SASH1: variants seen among roughly 807,000 people sequenced by gnomAD.
SASH1 encodes SAM and SH3 domain-containing protein 1.
SASH1 carries 44 observed loss-of-function variants against 125.2 expected under a neutral mutation model. That is an observed-to-expected ratio of 0.35 (90% CI 0.28 to 0.45). SASH1 has a LOEUF of 0.45. SASH1 is among the 20% of genes least tolerant of loss of function. SASH1 has a pLI of 1.00. For missense variants in SASH1, 1,426 were observed against 1,614.5 expected, an observed-to-expected ratio of 0.88 and a Z score of 2.00; for synonymous variants, 639 against 649.1, an observed-to-expected ratio of 0.98 and a Z score of 0.24.
the SASH1 span, among the ~76,000 whole-genome samples, chr6:148,248,611 C>A: frequency 6.6e-6 from 1 of 152,142 alleles, no homozygotes; most frequent in African/African-American, 2.4e-5. Flanking sequence ...ACAAATTTCC[C>A]ATCAGCTTGG....
intron 1 of SASH1, among the ~76,000 whole-genome samples, chr6:148,389,070 T>A (rs887286999): frequency 6.6e-6 from 1 of 152,224 alleles, no homozygotes; most frequent in Non-Finnish European, 1.5e-5. Flanking sequence ...CTGTATGTAT[T>A]CAGGTATGTT....
rs142865161 is a variant in SASH1, at chr6:148,512,797, A to G, written c.730-1527A>G. Reference sequence around the variant, plus strand: ...TCTAGTAATTTTAGAGAAATTGGACATAGATATTAATACACTTTACAGAAG... The same window carrying G: ...TCTAGTAATTTTAGAGAAATTGGACGTAGATATTAATACACTTTACAGAAG... On this transcript the variant is annotated intron_variant, in intron 8 of 19. Transcript: ENST00000367467. 5.5e-3 allele frequency: 5,461 copies of G among 984,878 alleles called. 16 individuals carry two copies. Among genetic ancestry groups the G allele is most frequent in the Non-Finnish European group, 6.1e-3 (5,060 of 829,446 alleles). 61.0% of individuals were successfully genotyped at this position (984,878 alleles called of 1,614,324 possible).
At chr6:148,304,546 G>T (rs1422964518) in intron 1 of SASH1, among the ~76,000 whole-genome samples, 1 of 149,702 alleles carries the variant, frequency 6.7e-6, no homozygotes, top group Non-Finnish European at 1.5e-5. Flanking sequence ...GGAGGCAGAG[G>T]TTGCAGTGAG....
At chr6:148,244,064 A>G in the SASH1 span, among the ~76,000 whole-genome samples, 147,140 of 152,282 alleles carry the variant, frequency 0.97, 71,139 homozygotes, top group East Asian at 1. Flanking sequence ...GACTAGGCTG[A>G]AACATGTAAA....
At chr6:148,487,567 T>C (rs760215024) in intron 7 of SASH1, 47 bp from the exon 8 acceptor site, 2 of 1,358,492 alleles carry the variant, frequency 1.5e-6, no homozygotes, top group Non-Finnish European at 2.1e-6. Flanking sequence ...GTCTGGCCAG[T>C]GTCTGGCCAT....
At chr6:148,508,555 T>G (rs760443366) in intron 8 of SASH1, 170 of 1,052,782 alleles carry the variant, frequency 1.6e-4, no homozygotes, top group Non-Finnish European at 1.8e-4. Flanking sequence ...TTGTGGTGAA[T>G]AGGAGATTTG....
At chr6:148,480,974 G>T (rs1185614424) in intron 7 of SASH1, among the ~76,000 whole-genome samples, 2 of 142,846 alleles carry the variant, frequency 1.4e-5, no homozygotes, top group Non-Finnish European at 3.2e-5. Context: ...CTTTATGATG[G>T]ATAATTAACA....
intron 8 of SASH1, among the ~76,000 whole-genome samples, chr6:148,494,054 C>T (rs1779215274): frequency 1.3e-5 from 2 of 151,916 alleles, no homozygotes; most frequent in African/African-American, 2.4e-5. Flanking sequence ...TCTGTTTTAC[C>T]GGGTTTTCTA....
At chr6:148,400,409 A>G (rs1168201992) in intron 2 of SASH1, among the ~76,000 whole-genome samples, 2 of 152,226 alleles carry the variant, frequency 1.3e-5, no homozygotes, top group Non-Finnish European at 2.9e-5. Flanking sequence ...TTTTAGACTG[A>G]TCTCTCACCA....
At chr6:148,277,535 G>T (rs1779219902) in intron 1 of SASH1, among the ~76,000 whole-genome samples, 1 of 152,170 alleles carries the variant, frequency 6.6e-6, no homozygotes, top group African/African-American at 2.4e-5. Flanking sequence ...GCGTCAGAAG[G>T]ACATTATCCT....
Position 148,519,483 on chromosome 6 carries a change from A to G in SASH1, c.863-64A>G. On this transcript the variant is annotated intron_variant, in intron 9 of 19. Coordinates refer to ENST00000367467, the MANE Select transcript of SASH1 (RefSeq NM_015278.5). The surrounding 1 kb of genome is among the most constrained non-coding windows in gnomAD (Gnocchi z 4.8). ...TGATACGGAGAAAGGTGGTGAATGTAAAGAAAGATGTATGCAAGAATGCAA... is the reference window on the plus strand; with the variant it reads ...TGATACGGAGAAAGGTGGTGAATGTGAAGAAAGATGTATGCAAGAATGCAA... 9 of 1,232,544 alleles carry G rather than the reference A, an allele frequency of 7.3e-6. No individual in the cohort carries two copies. Among genetic ancestry groups the G allele is most frequent in the Non-Finnish European group, 9.3e-6 (8 of 858,896 alleles). 76.4% of individuals were successfully genotyped at this position (1,232,544 alleles called of 1,614,324 possible). A position where few individuals can be genotyped will look rare whatever the true frequency, so the allele number is the denominator to read the frequency against.
intron 1 of SASH1, chr6:148,379,879 A>C (rs1250810414): frequency 4.4e-6 from 2 of 456,372 alleles, no homozygotes; most frequent in Non-Finnish European, 8.8e-6. Flanking sequence ...ATCACCGCTG[A>C]TCTTGTTCCA....
At chr6:148,447,269 C>T (rs1010126824) in intron 4 of SASH1, among the ~76,000 whole-genome samples, 1 of 152,002 alleles carries the variant, frequency 6.6e-6, no homozygotes, top group African/African-American at 2.4e-5. Flanking sequence ...ATATATAGCA[C>T]GATGGAAAAG....
intron 1 of SASH1, among the ~76,000 whole-genome samples, chr6:148,289,847 T>G (rs1779578964): frequency 6.7e-6 from 1 of 149,420 alleles, no homozygotes; most frequent in African/African-American, 2.5e-5. Flanking sequence ...AGGAAAATGG[T>G]TTTTTTTGGT....
At chr6:148,313,071 T>C (rs777075686) in intron 1 of SASH1, among the ~76,000 whole-genome samples, 1 of 152,186 alleles carries the variant, frequency 6.6e-6, no homozygotes, top group Non-Finnish European at 1.5e-5. Flanking sequence ...TAGGAGTTAG[T>C]GGCAGAGAGA....
At chr6:148,373,891 T>C (rs1333323736) in intron 1 of SASH1, among the ~76,000 whole-genome samples, 1 of 152,206 alleles carries the variant, frequency 6.6e-6, no homozygotes. Context: ...GAGAATTGCT[T>C]GAACCTGGGA....
chr6:148,282,609 T>C (rs1471323959), intron 1 of SASH1, among the ~76,000 whole-genome samples: 1 of 152,042 alleles, frequency 6.6e-6, no homozygotes, highest in Admixed American at 6.6e-5. Context: ...CTTGAACTCC[T>C]GACCTTGTGA....
In SASH1 at chr6:148,524,999, T is replaced by C. The variant is rs2294781; in HGVS notation, c.1210-292T>C. 63,980 of 359,336 alleles carry C rather than the reference T, an allele frequency of 0.18. 6,408 individuals are homozygous for C. The highest frequency in any genetic ancestry group is 0.27 in the Middle Eastern group (323 of 1,218). 22.3% of individuals were successfully genotyped at this position (359,336 alleles called of 1,614,324 possible). On this transcript the variant is annotated intron_variant, in intron 10 of 19. Transcript: ENST00000367467. ...ACAGCACTGGACTCATGGAGGGTTT[T>C]TCTTTTGTTTTTTAGGCTTTTTAAA...
chr6:148,361,443 A>C (rs1170473146), intron 1 of SASH1, among the ~76,000 whole-genome samples: 1 of 152,104 alleles, frequency 6.6e-6, no homozygotes, highest in Non-Finnish European at 1.5e-5. Context: ...TCTCTATTAA[A>C]AATACAAAAT....
Sources: allele counts gnomAD v4.1 joint callset (sites outside exome capture counted in the v4.1 genomes callset), GRCh38; gene constraint gnomAD v4.1.1; non-coding constraint Gnocchi (gnomAD v3.1); transcripts MANE v1.5; gene names NCBI Gene and HGNC (gene_info 2026-07-23, HGNC 2026-07-21).